The following LOC128706665 variants were observed in gnomAD, a reference collection of about 807,000 sequenced individuals.
chr20:10,431,207 A>G, the LOC128706665 span, among the ~76,000 whole-genome samples: 5 of 152,188 alleles, frequency 3.3e-5, no homozygotes, highest in African/African-American at 1.2e-4. Context: ...CAAAGCAATT[A>G]TATATTATCA....
chr20:10,426,759 T>A, the LOC128706665 span, among the ~76,000 whole-genome samples: 1 of 152,178 alleles, frequency 6.6e-6, no homozygotes, highest in South Asian at 2.1e-4. Context: ...TCATTTCACT[T>A]GTCCAAAATT....
the LOC128706665 span, among the ~76,000 whole-genome samples, chr20:10,431,516 T>TA: frequency 3.4e-5 from 5 of 145,386 alleles, no homozygotes; most frequent in African/African-American, 1.4e-4. Context: ...CTCAATGCTG[T>TA]ATAGGGTCAA....
the LOC128706665 span, among the ~76,000 whole-genome samples, chr20:10,424,925 C>T: frequency 1.3e-5 from 2 of 151,628 alleles, no homozygotes; most frequent in East Asian, 1.9e-4. Flanking sequence ...TGGTGGCAGG[C>T]GCCTGTAATC....
the LOC128706665 span, among the ~76,000 whole-genome samples, chr20:10,416,185 A>G: frequency 6.6e-6 from 1 of 152,202 alleles, no homozygotes; most frequent in Non-Finnish European, 1.5e-5. Flanking sequence ...GGATAACTTA[A>G]TTAAAATAAC....
the LOC128706665 span, among the ~76,000 whole-genome samples, chr20:10,414,384 C>T: frequency 4.6e-5 from 7 of 151,694 alleles, no homozygotes; most frequent in African/African-American, 1.5e-4. Context: ...TCCTGCCTCA[C>T]CCTCCTCAGT....
At chr20:10,432,439 G>A in the LOC128706665 span, among the ~76,000 whole-genome samples, 1 of 152,134 alleles carries the variant, frequency 6.6e-6, no homozygotes, top group Admixed American at 6.5e-5. Flanking sequence ...GTATTTGGGG[G>A]ATTGCATCCA....
chr20:10,414,579 A>T, the LOC128706665 span, among the ~76,000 whole-genome samples: 1 of 152,156 alleles, frequency 6.6e-6, no homozygotes, highest in African/African-American at 2.4e-5. Flanking sequence ...TCTGAGTCTT[A>T]AAAGAAGTCC....
At chr20:10,418,805 T>A in the LOC128706665 span, among the ~76,000 whole-genome samples, 1 of 152,138 alleles carries the variant, frequency 6.6e-6, no homozygotes, top group African/African-American at 2.4e-5. Flanking sequence ...ACAATATACA[T>A]ACATAATATA....
At chr20:10,419,208 T>A in the LOC128706665 span, among the ~76,000 whole-genome samples, 1 of 152,114 alleles carries the variant, frequency 6.6e-6, no homozygotes, top group Non-Finnish European at 1.5e-5. Flanking sequence ...TTAGAGCATA[T>A]TATTCACCTC....
the LOC128706665 span, among the ~76,000 whole-genome samples, chr20:10,428,879 T>C: frequency 6.6e-6 from 1 of 152,086 alleles, no homozygotes; most frequent in Non-Finnish European, 1.5e-5. Flanking sequence ...CCTTGCCTGC[T>C]GTCAGAAGAA....
the LOC128706665 span, chr20:10,431,659 T>C: frequency 6.6e-6 from 1 of 152,234 alleles, no homozygotes; most frequent in South Asian, 2.1e-4. Flanking sequence ...CTCCTCTGAA[T>C]TAGTCTCAAT....
chr20:10,429,659 C>T, the LOC128706665 span, among the ~76,000 whole-genome samples: 1 of 152,198 alleles, frequency 6.6e-6, no homozygotes, highest in African/African-American at 2.4e-5. Context: ...CTGCCCTTTT[C>T]CTCATGCTCC....
the LOC128706665 span, among the ~76,000 whole-genome samples, chr20:10,433,743 C>CA: frequency 1.3e-5 from 2 of 152,106 alleles, no homozygotes; most frequent in Non-Finnish European, 2.9e-5. Flanking sequence ...TCCAGACAGT[C>CA]AGGGGCACAC....
chr20:10,417,609 C>T, the LOC128706665 span, among the ~76,000 whole-genome samples: 1 of 151,802 alleles, frequency 6.6e-6, no homozygotes, highest in Admixed American at 6.6e-5. Context: ...GGCCTGTGCC[C>T]AAGAGTTTGA....
chr20:10,426,903 T>G, the LOC128706665 span, among the ~76,000 whole-genome samples: 1 of 152,158 alleles, frequency 6.6e-6, no homozygotes, highest in Non-Finnish European at 1.5e-5. Flanking sequence ...TTCTTTAATT[T>G]AGTTCTCAGT....
chr20:10,424,249 A>G, the LOC128706665 span, among the ~76,000 whole-genome samples: 1 of 151,808 alleles, frequency 6.6e-6, no homozygotes. Flanking sequence ...AAAAAAATAT[A>G]TATTAAATAA....
the LOC128706665 span, among the ~76,000 whole-genome samples, chr20:10,421,731 T>TA: frequency 1.7e-3 from 257 of 152,082 alleles, no homozygotes; most frequent in Non-Finnish European, 3.5e-3. Flanking sequence ...ACAAAGAAAC[T>TA]GGGGCTAGAC....
the LOC128706665 span, among the ~76,000 whole-genome samples, chr20:10,424,960 G>T: frequency 0.025 from 3,743 of 151,488 alleles, 78 homozygotes; most frequent in Non-Finnish European, 0.036. Flanking sequence ...GGCTGAGGCA[G>T]AAGAATCACT....
the LOC128706665 span, among the ~76,000 whole-genome samples, chr20:10,427,380 T>G: frequency 6.6e-6 from 1 of 152,170 alleles, no homozygotes; most frequent in Non-Finnish European, 1.5e-5. Context: ...TTTTAAAAAC[T>G]TCCACTGAAT....
Sources: gnomAD v4.1 joint callset for allele counts (sites outside exome capture counted in the v4.1 genomes callset) on GRCh38, gnomAD v4.1.1 for gene constraint, MANE v1.5 for transcripts.